WDR7: variants seen among roughly 807,000 people sequenced by gnomAD.
The protein encoded by WDR7 is WD repeat-containing protein 7.
In WDR7, 46 loss-of-function variants were observed where a neutral mutation model predicts 169.4. That is an observed-to-expected ratio of 0.27 (90% confidence interval 0.21 to 0.35). The LOEUF (loss-of-function observed/expected upper bound fraction) is 0.35. Ranked by LOEUF, WDR7 falls within the 10% of genes least tolerant of loss-of-function variation. The pLI is 1.00. For missense variants in WDR7, 1,534 were observed against 1,859.3 expected (o/e 0.83, Z 3.22); for synonymous variants, 612 against 666.8 (o/e 0.92, Z 1.27).
chr18:57,009,480 G>C (rs528071398), intron 26 of WDR7, among the ~76,000 whole-genome samples: 1 of 152,258 alleles, frequency 6.6e-6, no homozygotes, highest in South Asian at 2.1e-4. Context: ...AATGAACCTT[G>C]TAATGCAGAA....
At chr18:56,987,975 C>T (rs769344112) in intron 26 of WDR7, among the ~76,000 whole-genome samples, 4 of 152,152 alleles carry the variant, frequency 2.6e-5, no homozygotes, top group African/African-American at 9.7e-5. Context: ...TATCATGTCT[C>T]CTGGAAAATG....
chr18:56,683,634 C>T (rs2025392096), intron 5 of WDR7, among the ~76,000 whole-genome samples: 1 of 152,154 alleles, frequency 6.6e-6, no homozygotes. Flanking sequence ...TCAATTCTCA[C>T]AATACTTAGT....
At chr18:56,971,286 A>G (rs1197885858) in intron 26 of WDR7, among the ~76,000 whole-genome samples, 1 of 151,568 alleles carries the variant, frequency 6.6e-6, no homozygotes, top group Non-Finnish European at 1.5e-5. Context: ...TCTCCCAAAA[A>G]AAAAAAAAAA....
At chr18:56,871,082 T>C (rs1480277841) in intron 20 of WDR7, among the ~76,000 whole-genome samples, 2 of 152,174 alleles carry the variant, frequency 1.3e-5, no homozygotes, top group Non-Finnish European at 2.9e-5. Flanking sequence ...TAGAAATCTT[T>C]TGCAGCTTTA....
intron 12 of WDR7, among the ~76,000 whole-genome samples, chr18:56,704,370 C>CT (rs1375745923): frequency 4.2e-5 from 4 of 95,402 alleles, no homozygotes; most frequent in African/African-American, 1.3e-4. Context: ...AACCCTGTCT[C>CT]TATCAAAAAA....
chr18:56,904,244 A>G (rs2046445807), intron 21 of WDR7, among the ~76,000 whole-genome samples: 2 of 151,710 alleles, frequency 1.3e-5, no homozygotes, highest in Non-Finnish European at 2.9e-5. Context: ...TAATTTTTGT[A>G]TTTTTAATAG....
chr18:57,020,050 G>C (rs2048265914), intron 26 of WDR7, among the ~76,000 whole-genome samples: 1 of 152,162 alleles, frequency 6.6e-6, no homozygotes, highest in Admixed American at 6.5e-5. Context: ...TTCTATCAAA[G>C]ACCTAGTCTA....
intron 21 of WDR7, among the ~76,000 whole-genome samples, chr18:56,899,770 T>G (rs1240072679): frequency 6.6e-6 from 1 of 152,112 alleles, no homozygotes; most frequent in Non-Finnish European, 1.5e-5. Flanking sequence ...ATATCTAATG[T>G]GTAAGAAATA....
intron 20 of WDR7, among the ~76,000 whole-genome samples, chr18:56,828,853 G>T (rs1191069265): frequency 6.6e-6 from 1 of 152,078 alleles, no homozygotes; most frequent in Non-Finnish European, 1.5e-5. Flanking sequence ...ACTAGTGGAG[G>T]ATGTGTGCCT....
intron 13 of WDR7, among the ~76,000 whole-genome samples, chr18:56,731,075 A>G (rs1233501589): frequency 1.3e-5 from 2 of 152,204 alleles, no homozygotes; most frequent in Non-Finnish European, 2.9e-5. Context: ...GCGATGGGAC[A>G]GGAGTAGTCA....
chr18:56,992,383 T>C (rs992746086), intron 26 of WDR7, among the ~76,000 whole-genome samples: 1 of 152,204 alleles, frequency 6.6e-6, no homozygotes. Flanking sequence ...ACAAACTTGG[T>C]TATCTCAAAA....
intron 25 of WDR7, among the ~76,000 whole-genome samples, chr18:56,952,170 A>C (rs2145740565): frequency 6.6e-6 from 1 of 152,328 alleles, no homozygotes; most frequent in Middle Eastern, 3.4e-3. Context: ...ACACTTGAGA[A>C]GCACTGCTCT....
intron 21 of WDR7, among the ~76,000 whole-genome samples, chr18:56,913,277 G>A (rs189396168): frequency 1.3e-5 from 2 of 152,186 alleles, no homozygotes; most frequent in Non-Finnish European, 2.9e-5. Flanking sequence ...TCTAAAGTTT[G>A]AAATGTCCCA....
In WDR7 at chr18:56,880,044, T is replaced by G; in HGVS notation, c.3405T>G (p.Ala1135=). The G allele has an allele frequency of 6.2e-7, 1 of 1,614,150 alleles. No individual in the cohort carries two copies. Among genetic ancestry groups the G allele is most frequent in the Non-Finnish European group, 8.5e-7 (1 of 1,179,992 alleles). Residue 1135 remains alanine (A), a synonymous_variant, in exon 21 of 28, where the codon GCT becomes GCG. Coordinates refer to ENST00000254442, the MANE Select transcript of WDR7 (RefSeq NM_015285.3). ...TAIVLLGVIG[A]EFGAEIEPPK... is the part of the protein sequence containing the mutation. ...TTGTTTTACTTGGAGTAATAGGAGC[T>G]GAATTTGGTGCTGAAATTGAACCTC... is the stretch of plus-strand genomic sequence containing the variant.
chr18:57,029,657 T>C lies in WDR7; in HGVS notation c.*2450T>C, dbSNP rs2048419999. The C allele has an allele frequency of 6.6e-6, 1 of 152,144 alleles. No individual in the cohort carries two copies. The highest frequency in any genetic ancestry group is 1.5e-5 in the Non-Finnish European group (1 of 68,042). The allele number at this position is 152,144 out of a possible 1,614,324, so 9.4% of individuals were successfully genotyped here. A position where few individuals can be genotyped will look rare whatever the true frequency, so the allele number is the denominator to read the frequency against. On this transcript the variant is annotated 3_prime_UTR_variant, in exon 28 of 28. Transcript: ENST00000254442. ...GACACCTGTATGAAAATGTGATGAT[T>C]GAACTCCCTGTGTACAGCGAGTGAA...
intron 20 of WDR7, among the ~76,000 whole-genome samples, chr18:56,871,053 TATTTTACTGGTCTGAAAATAGAA>T (rs1193090615): frequency 6.6e-5 from 10 of 152,326 alleles, no homozygotes; most frequent in African/African-American, 2.2e-4. Context: ...TTTAGAAGAA[TATTTTACTGGTCTGAAAATAGAA>T]ATCTTTTGCA....
At chr18:56,934,464 G>A (rs1324178513) in intron 22 of WDR7, among the ~76,000 whole-genome samples, 1 of 151,756 alleles carries the variant, frequency 6.6e-6, no homozygotes, top group East Asian at 1.9e-4. Context: ...ATATGTGTGT[G>A]TTCTCTCAGC....
At chr18:56,743,029 G>A (rs574717168) in intron 14 of WDR7, among the ~76,000 whole-genome samples, 2 of 152,312 alleles carry the variant, frequency 1.3e-5, no homozygotes, top group South Asian at 4.1e-4. Context: ...TAATAGGGAG[G>A]AGAGTTTAAA....
At chr18:56,927,606 G>A (rs548603889) in intron 22 of WDR7, among the ~76,000 whole-genome samples, 1 of 151,644 alleles carries the variant, frequency 6.6e-6, no homozygotes, top group East Asian at 1.9e-4. Context: ...AGTGAGACCC[G>A]ACTCTTAAAA....
Sources: gnomAD v4.1 joint callset for allele counts (sites outside exome capture counted in the v4.1 genomes callset) on GRCh38, gnomAD v4.1.1 for gene constraint, MANE v1.5 for transcripts, NCBI Gene and HGNC (gene_info 2026-07-23, HGNC 2026-07-21) for gene names.